SLC24A2: variants seen among roughly 807,000 people sequenced by gnomAD.
The protein encoded by SLC24A2 is sodium/potassium/calcium exchanger 2.
Under a neutral mutation model 62.0 loss-of-function variants are expected in SLC24A2, and 36 were observed. The ratio of observed to expected loss-of-function variants is 0.58; its 90% CI spans 0.44 to 0.77. The LOEUF (loss-of-function observed/expected upper bound fraction) is 0.77, where lower values mean the gene tolerates loss of function less well. SLC24A2 is among the 30% of genes least tolerant of loss of function. The probability of loss-of-function intolerance (pLI) is 0.00; values close to 1 mark genes in which losing one functional copy is unlikely to be tolerated. For missense variants in SLC24A2, 846 were observed against 817.9 expected (o/e 1.03, Z -0.42); for synonymous variants, 358 against 294.0 (o/e 1.22, Z -2.23).
chr9:19,910,854 C>G, the SLC24A2 span, among the ~76,000 whole-genome samples: 2 of 150,982 alleles, frequency 1.3e-5, no homozygotes, highest in African/African-American at 4.9e-5. Context: ...TTATAGCTCT[C>G]TGTTCTATCT....
At chr9:20,270,494 C>G in the SLC24A2 span, among the ~76,000 whole-genome samples, 86 of 152,298 alleles carry the variant, frequency 5.6e-4, no homozygotes, top group African/African-American at 1.9e-3. Context: ...TCCCCACCAT[C>G]AAATTCAAGT....
At chr9:19,677,240 T>C (rs535162907) in intron 2 of SLC24A2, among the ~76,000 whole-genome samples, 2 of 152,358 alleles carry the variant, frequency 1.3e-5, no homozygotes, top group South Asian at 2.1e-4. Context: ...AATGGAATAC[T>C]CTGCAGTCGT....
In SLC24A2 at chr9:19,512,419, T is replaced by C. The variant is rs542982460; in HGVS notation, c.*3734A>G. ...GACATTCTGCTGCATCTGCCGAGGG[T>C]ATAAACAACCCTATCCCTTAGTCCC... On this transcript the variant is annotated 3_prime_UTR_variant, in exon 11 of 11. Coordinates refer to ENST00000341998, the MANE Select transcript of SLC24A2 (RefSeq NM_020344.4). 6.6e-6 allele frequency: 1 copy of C among 152,314 alleles called. No individual in the cohort carries two copies. The highest frequency in any genetic ancestry group is 6.5e-5 in the Admixed American group (1 of 15,284). The allele number at this position is 152,314 out of a possible 1,614,324, so 9.4% of individuals were successfully genotyped here.
chr9:19,689,518 T>C (rs1040434173), intron 2 of SLC24A2, among the ~76,000 whole-genome samples: 1 of 151,918 alleles, frequency 6.6e-6, no homozygotes, highest in Non-Finnish European at 1.5e-5. Context: ...AGTACGGGAG[T>C]GTGATAGATG....
chr9:19,836,664 T>C, the SLC24A2 span, among the ~76,000 whole-genome samples: 3 of 152,166 alleles, frequency 2.0e-5, no homozygotes, highest in Non-Finnish European at 2.9e-5. Flanking sequence ...GAGGAACTGG[T>C]ACCATTCCTT....
chr9:20,007,517 A>G, the SLC24A2 span, among the ~76,000 whole-genome samples: 2 of 152,154 alleles, frequency 1.3e-5, no homozygotes, highest in African/African-American at 2.4e-5. Context: ...GTGTGAATAT[A>G]TATGTATATA....
At chr9:19,704,505 T>C (rs116832372) in intron 2 of SLC24A2, among the ~76,000 whole-genome samples, 1,917 of 152,318 alleles carry the variant, frequency 0.013, 43 homozygotes, top group African/African-American at 0.044. Flanking sequence ...CCTGTGTTTG[T>C]GTATTTGCAT....
the SLC24A2 span, among the ~76,000 whole-genome samples, chr9:20,281,595 G>A: frequency 2.6e-5 from 4 of 152,224 alleles, no homozygotes; most frequent in Non-Finnish European, 5.9e-5. Context: ...TTTTATGTGT[G>A]TCTTCTTTTG....
At chr9:19,578,148 T>G (rs912586935) in intron 5 of SLC24A2, among the ~76,000 whole-genome samples, 1 of 151,866 alleles carries the variant, frequency 6.6e-6, no homozygotes, top group Admixed American at 6.6e-5. Context: ...TACATATGGT[T>G]GATGGGTACA....
At chr9:19,769,585 G>A (rs1822623220) in intron 2 of SLC24A2, among the ~76,000 whole-genome samples, 1 of 152,194 alleles carries the variant, frequency 6.6e-6, no homozygotes. Flanking sequence ...ACTGACCCCA[G>A]ACAAATATAT....
chr9:20,021,057 C>T, the SLC24A2 span, among the ~76,000 whole-genome samples: 54 of 152,220 alleles, frequency 3.5e-4, no homozygotes, highest in African/African-American at 9.1e-4. Flanking sequence ...TATATAAATG[C>T]ACATGTATAT....
the SLC24A2 span, among the ~76,000 whole-genome samples, chr9:20,188,162 A>G: frequency 6.6e-6 from 1 of 152,216 alleles, no homozygotes; most frequent in Non-Finnish European, 1.5e-5. Context: ...TCTGCTACAA[A>G]CAGTGTCCAT....
intron 2 of SLC24A2, among the ~76,000 whole-genome samples, chr9:19,648,240 A>T (rs1818699539): frequency 1.3e-5 from 2 of 152,196 alleles, no homozygotes; most frequent in Non-Finnish European, 2.9e-5. Context: ...CCGTCCAATT[A>T]ATCAGTGGTA....
At chr9:19,738,128 G>A (rs947588234) in intron 2 of SLC24A2, among the ~76,000 whole-genome samples, 1 of 152,140 alleles carries the variant, frequency 6.6e-6, no homozygotes. Context: ...CATTATGCAA[G>A]GAATCTATGT....
At chr9:20,096,684 G>C in the SLC24A2 span, among the ~76,000 whole-genome samples, 1 of 152,064 alleles carries the variant, frequency 6.6e-6, no homozygotes, top group Non-Finnish European at 1.5e-5. Context: ...ATTTTAGAAA[G>C]ATACTTTTCT....
the SLC24A2 span, among the ~76,000 whole-genome samples, chr9:19,888,749 T>C: frequency 2.3e-4 from 35 of 152,320 alleles, no homozygotes; most frequent in African/African-American, 6.3e-4. Flanking sequence ...CCTCGGTGTC[T>C]AGTCGTGGCC....
the SLC24A2 span, among the ~76,000 whole-genome samples, chr9:20,046,396 C>A: frequency 6.6e-6 from 1 of 152,264 alleles, no homozygotes; most frequent in Non-Finnish European, 1.5e-5. Context: ...CTTAGGCAGA[C>A]AATGCCCAAC....
At chr9:20,019,685 C>T in the SLC24A2 span, among the ~76,000 whole-genome samples, 1 of 151,988 alleles carries the variant, frequency 6.6e-6, no homozygotes, top group Non-Finnish European at 1.5e-5. Context: ...ACTAAAACAC[C>T]GAAAGAAATG....
intron 2 of SLC24A2, among the ~76,000 whole-genome samples, chr9:19,762,782 G>C (rs1822377851): frequency 7.6e-6 from 1 of 130,860 alleles, no homozygotes; most frequent in Non-Finnish European, 1.6e-5. Flanking sequence ...GGATTGTCTT[G>C]GCTATATGTG....
Sources: allele counts gnomAD v4.1 joint callset (sites outside exome capture counted in the v4.1 genomes callset), GRCh38; gene constraint gnomAD v4.1.1; transcripts MANE v1.5; gene names NCBI Gene and HGNC (gene_info 2026-07-23, HGNC 2026-07-21).